Variants in MGAT2 observed in about 807,000 individuals in gnomAD.
MGAT2 encodes alpha-1,6-mannosyl-glycoprotein 2-beta-N-acetylglucosaminyltransferase.
MGAT2 carries 17 observed loss-of-function variants against 33.8 expected under a neutral mutation model. That is an observed-to-expected ratio of 0.50 (90% CI 0.34 to 0.76). The LOEUF is 0.76. MGAT2 is among the 30% of genes least tolerant of loss of function. MGAT2 has a pLI of 0.01. For missense variants in MGAT2, 529 were observed against 553.9 expected (o/e 0.96, Z 0.45); for synonymous variants, 248 against 226.7 (o/e 1.09, Z -0.84).
chr14:49,622,677 G>A lies in MGAT2; in HGVS notation c.*65G>A. 6.6e-7 allele frequency: 1 copy of A among 1,506,348 alleles called. No individual in the cohort carries two copies. 93.3% of individuals were successfully genotyped at this position (1,506,348 alleles called of 1,614,324 possible). ...ATTTGTCCAAACAGGACATACAATTGAATAAAAGAGTTTAGGAACTGGTTT... is the reference window on the plus strand; with the variant it reads ...ATTTGTCCAAACAGGACATACAATTAAATAAAAGAGTTTAGGAACTGGTTT... On this transcript the variant is annotated 3_prime_UTR_variant, in exon 1 of 1. Transcript: ENST00000305386.
chr14:49,622,672 C>A lies in MGAT2; in HGVS notation c.*60C>A, dbSNP rs539136432. 5.2e-6 allele frequency: 8 copies of A among 1,523,896 alleles called. No individual in the cohort carries two copies. The highest frequency in any genetic ancestry group is 2.3e-5 in the East Asian group (1 of 44,114). The allele number at this position is 1,523,896 out of a possible 1,614,324, so 94.4% of individuals were successfully genotyped here. A position where few individuals can be genotyped will look rare whatever the true frequency, so the allele number is the denominator to read the frequency against. ...TTGATATTTGTCCAAACAGGACATACAATTGAATAAAAGAGTTTAGGAACT... is the reference window on the plus strand; with the variant it reads ...TTGATATTTGTCCAAACAGGACATAAAATTGAATAAAAGAGTTTAGGAACT... On this transcript the variant is annotated 3_prime_UTR_variant, in exon 1 of 1. Transcript: ENST00000305386.
Position 49,622,541 on chromosome 14 carries a change from C to A in MGAT2, c.1273C>A (p.Pro425Thr). Residue 425 changes from proline to threonine, a missense_variant, in exon 1 of 1, where the codon CCT becomes ACT. Coordinates refer to ENST00000305386, the MANE Select transcript of MGAT2 (RefSeq NM_002408.4). Reference protein sequence around the residue: ...EKFTVVAISPPRKNGGWGDIR... With the variant: ...EKFTVVAISPTRKNGGWGDIR... ...GTTTACTGTGGTAGCCATTTCCCCA[C>A]CTAGAAAAAATGGAGGGTGGGGAGA... 1 of 1,586,290 alleles carries A rather than the reference C, an allele frequency of 6.3e-7. No individual in the cohort carries two copies. Among genetic ancestry groups the A allele is most frequent in the Non-Finnish European group, 8.6e-7 (1 of 1,169,136 alleles).
Position 49,621,211 on chromosome 14 carries a change from T to A in MGAT2, c.-58T>A. The A allele has an allele frequency of 1.9e-6, 3 of 1,606,460 alleles. No individual in the cohort carries two copies. Among genetic ancestry groups the A allele is most frequent in the Non-Finnish European group, 2.5e-6 (3 of 1,177,298 alleles). Reference sequence around the variant, plus strand: ...GGCCGCCGCCCGCCCGCCCCTTCCGTGCAGAAGCAGCTGCTCCTTTCCGCG... The same window carrying A: ...GGCCGCCGCCCGCCCGCCCCTTCCGAGCAGAAGCAGCTGCTCCTTTCCGCG... On this transcript the variant is annotated 5_prime_UTR_variant, in exon 1 of 1. Transcript: ENST00000305386. This position sits in a 1 kb window ranked among gnomAD's most constrained non-coding sequence, Gnocchi z 4.6.
In MGAT2 at chr14:49,621,125, C is replaced by A; in HGVS notation, c.-144C>A. On this transcript the variant is annotated 5_prime_UTR_variant, in exon 1 of 1. Coordinates refer to ENST00000305386, the MANE Select transcript of MGAT2 (RefSeq NM_002408.4). This position sits in a 1 kb window ranked among gnomAD's most constrained non-coding sequence, Gnocchi z 4.6. ...CTCGGGCCCCAGGACCCCCGGGGCCCGGGATGAGTTAGCGAGGGCAGCCGC... is the reference window on the plus strand; with the variant it reads ...CTCGGGCCCCAGGACCCCCGGGGCCAGGGATGAGTTAGCGAGGGCAGCCGC... 1 of 1,260,838 alleles carries A rather than the reference C, an allele frequency of 7.9e-7. No homozygotes were observed. Among genetic ancestry groups the A allele is most frequent in the Non-Finnish European group, 1.1e-6 (1 of 901,714 alleles). 78.1% of individuals were successfully genotyped at this position (1,260,838 alleles called of 1,614,324 possible). A position where few individuals can be genotyped will look rare whatever the true frequency, so the allele number is the denominator to read the frequency against.
rs771391737 is a variant in MGAT2 at position 49,621,615 on chromosome 14, G to A, written c.347G>A (p.Arg116Gln). The A allele has an allele frequency of 1.2e-6, 2 of 1,614,040 alleles. No homozygotes were observed. The highest frequency in any genetic ancestry group is 2.2e-5 in the South Asian group (2 of 91,072). ...NVDKAGTWAP[R>Q]ELVLVVQVHN... is the part of the protein sequence containing the mutation. ...GATAAGGCTGGCACCTGGGCCCCCC[G>A]GGAGCTGGTGCTGGTGGTCCAGGTG... The change falls in exon 1 of 1, where the codon CGG becomes CAG. Residue 116 changes from arginine (R) to glutamine (Q), a missense_variant. Arg to Gln is a conservative substitution (Grantham distance 43, BLOSUM62 1). Transcript: ENST00000305386. The surrounding 1 kb of genome is among the most constrained non-coding windows in gnomAD (Gnocchi z 4.6).
In MGAT2 at chr14:49,622,015, AG is replaced by A; in HGVS notation, c.748del (p.Asp250IlefsTer9). 1.2e-5 allele frequency: 20 copies of A among 1,613,688 alleles called. No homozygotes were observed. Among genetic ancestry groups the A allele is most frequent in the Non-Finnish European group, 1.6e-5 (19 of 1,179,888 alleles). On this transcript the variant is annotated frameshift_variant, in exon 1 of 1. Transcript: ENST00000305386. LOFTEE classifies it high-confidence loss of function. ...TGTGGGAAAGAGTGAAAATTCTTCG[AG>A]ATTATGCTGGCCTTATACTTTTCCT... The part of the protein sequence containing the change: ...FVWERVKILR[D>X]YAGLILFLEE...
Position 49,620,956 on chromosome 14 carries a change from G to C in MGAT2, c.-313G>C, listed in dbSNP as rs1882825004. The C allele has an allele frequency of 1.4e-6, 1 of 702,224 alleles. No homozygotes were observed. Among genetic ancestry groups the C allele is most frequent in the Non-Finnish European group, 2.6e-6 (1 of 384,816 alleles). The allele number at this position is 702,224 out of a possible 1,614,324, so 43.5% of individuals were successfully genotyped here. ...CTAGGGTGCGGTTGGGACCGCGGCT[G>C]AGCTTTTTCCGGGACCCGTGGTGCT... On this transcript the variant is annotated 5_prime_UTR_variant, in exon 1 of 1. Coordinates refer to ENST00000305386, the MANE Select transcript of MGAT2 (RefSeq NM_002408.4).
chr14:49,621,277 C>G lies in MGAT2; in HGVS notation c.9C>G (p.Phe3Leu), dbSNP rs1191491144. Residue 3 changes from phenylalanine to leucine, a missense_variant, in exon 1 of 1, where the codon TTC becomes TTG. Around this residue, in one of 2 missense-constraint regions of MGAT2, gnomAD observed 501 missense variants for 501.1 expected, o/e 1.00. Transcript: ENST00000305386. This position sits in a 1 kb window ranked among gnomAD's most constrained non-coding sequence, Gnocchi z 4.6. MR[F>L]RIYKRKVLIL... ...TCCCGGCCCTGGAGACCATGAGGTT[C>G]CGCATCTACAAACGGAAGGTGCTAA... The G allele has an allele frequency of 6.2e-7, 1 of 1,612,474 alleles. No individual in the cohort carries two copies. Among genetic ancestry groups the G allele is most frequent in the Non-Finnish European group, 8.5e-7 (1 of 1,179,790 alleles).
chr14:49,622,261 G>A lies in MGAT2; in HGVS notation c.993G>A (p.Leu331=). The A allele has an allele frequency of 1.2e-6, 2 of 1,614,188 alleles. No homozygotes were observed. The highest frequency in any genetic ancestry group is 1.7e-6 in the Non-Finnish European group (2 of 1,180,044). The change falls in exon 1 of 1, where the codon CTG becomes CTA. Residue 331 remains leucine, a synonymous_variant. Transcript: ENST00000305386. ...LALTRNAYQK[L]IECTDTFCTY... is the part of the protein sequence containing the mutation. Reference sequence around the variant, plus strand: ...TGACCCGGAATGCCTATCAGAAGCTGATCGAGTGCACAGACACTTTCTGTA... The same window carrying A: ...TGACCCGGAATGCCTATCAGAAGCTAATCGAGTGCACAGACACTTTCTGTA...
In MGAT2 at chr14:49,621,190, G is replaced by A; in HGVS notation, c.-79G>A. 6.3e-7 allele frequency: 1 copy of A among 1,596,052 alleles called. No homozygotes were observed. Among genetic ancestry groups the A allele is most frequent in the East Asian group, 2.3e-5 (1 of 44,408 alleles). On this transcript the variant is annotated 5_prime_UTR_variant, in exon 1 of 1. Coordinates refer to ENST00000305386, the MANE Select transcript of MGAT2 (RefSeq NM_002408.4). This position sits in a 1 kb window ranked among gnomAD's most constrained non-coding sequence, Gnocchi z 4.6. Reference sequence around the variant, plus strand: ...ACCGTGACAGGCCAAGGCGACGGCCGCCGCCCGCCCGCCCCTTCCGTGCAG... The same window carrying A: ...ACCGTGACAGGCCAAGGCGACGGCCACCGCCCGCCCGCCCCTTCCGTGCAG...
rs201673817 is a variant in MGAT2 at position 49,622,118 on chromosome 14, C to T, written c.850C>T (p.Pro284Ser). The T allele has an allele frequency of 4.6e-5, 74 of 1,614,050 alleles. No individual in the cohort carries two copies. Among genetic ancestry groups the T allele is most frequent in the Non-Finnish European group, 4.3e-5 (51 of 1,180,040 alleles). Reference protein sequence around the residue: ...KMWKLKQQECPECDVLSLGTY... With the variant: ...KMWKLKQQECSECDVLSLGTY... ...GTGGAAACTGAAGCAGCAAGAGTGC[C>T]CTGAATGTGATGTTCTCTCCCTGGG... is the stretch of plus-strand genomic sequence containing the variant. Residue 284 changes from proline (P) to serine (S), a missense_variant, in exon 1 of 1, where the codon CCT (proline) becomes TCT (serine). Transcript: ENST00000305386.
Position 49,622,496 on chromosome 14 carries a change from A to G in MGAT2, c.1228A>G (p.Thr410Ala). 1 of 1,604,190 alleles carries G rather than the reference A, an allele frequency of 6.2e-7. No homozygotes were observed. The highest frequency in any genetic ancestry group is 8.5e-7 in the Non-Finnish European group (1 of 1,175,446). ...TAACAAACAATACATGTTTCCAGAAACTCTAACTATCAGTGAAAAGTTTAC... is the reference window on the plus strand; with the variant it reads ...TAACAAACAATACATGTTTCCAGAAGCTCTAACTATCAGTGAAAAGTTTAC... The part of the protein sequence containing the change: ...NNNKQYMFPE[T>A]LTISEKFTVV... The change falls in exon 1 of 1, where the codon ACT becomes GCT. Residue 410 changes from threonine to alanine, a missense_variant. This residue lies in a region of MGAT2 where 28 missense variants were observed against 52.8 expected (regional missense o/e 0.53). Coordinates refer to ENST00000305386, the MANE Select transcript of MGAT2 (RefSeq NM_002408.4).
In MGAT2 at chr14:49,621,793, G is replaced by A. The variant is rs1216501852; in HGVS notation, c.525G>A (p.Val175=). ...TGAATTTCTGTCCGGTTCTGCAGGTGTTCTTTCCTTTCAGCATTCAGTTGT... is the reference window on the plus strand; with the variant it reads ...TGAATTTCTGTCCGGTTCTGCAGGTATTCTTTCCTTTCAGCATTCAGTTGT... ...AGVNFCPVLQ[V]FFPFSIQLYP... Residue 175 remains valine (V), a synonymous_variant, in exon 1 of 1, where the codon GTG becomes GTA. Transcript: ENST00000305386. This position sits in a 1 kb window ranked among gnomAD's most constrained non-coding sequence, Gnocchi z 4.6. 1.9e-6 allele frequency: 3 copies of A among 1,614,166 alleles called. No individual in the cohort carries two copies. In the Admixed American group the frequency reaches 5.0e-5, roughly 27 times the overall value.
rs1353487026 is a variant in MGAT2 at position 49,621,006 on chromosome 14, C to T, written c.-263C>T. The T allele has an allele frequency of 1.4e-6, 1 of 704,232 alleles. No individual in the cohort carries two copies. Among genetic ancestry groups the T allele is most frequent in the East Asian group, 2.7e-5 (1 of 37,260 alleles). 43.6% of individuals were successfully genotyped at this position (704,232 alleles called of 1,614,324 possible). Reference sequence around the variant, plus strand: ...TGAATGGAGAGGACGGAGACGAAGCCGAGCCGCGGCTCCTAGCGGCGGCGC... The same window carrying T: ...TGAATGGAGAGGACGGAGACGAAGCTGAGCCGCGGCTCCTAGCGGCGGCGC... On this transcript the variant is annotated 5_prime_UTR_variant, in exon 1 of 1. Coordinates refer to ENST00000305386, the MANE Select transcript of MGAT2 (RefSeq NM_002408.4). This position sits in a 1 kb window ranked among gnomAD's most constrained non-coding sequence, Gnocchi z 4.6.
At position 49,623,331 on chromosome 14, in the gene MGAT2, T is replaced by C. The variant is rs558537786; in HGVS notation, c.*719T>C. Reference sequence around the variant, plus strand: ...ACTCATTTTTGCATAAAAAGGTTCCTAATCCTTTTGCAGAATAAGTTTTGT... The same window carrying C: ...ACTCATTTTTGCATAAAAAGGTTCCCAATCCTTTTGCAGAATAAGTTTTGT... On this transcript the variant is annotated 3_prime_UTR_variant, in exon 1 of 1. Coordinates refer to ENST00000305386, the MANE Select transcript of MGAT2 (RefSeq NM_002408.4). 1.3e-4 allele frequency: 22 copies of C among 167,062 alleles called. No homozygotes were observed. Among genetic ancestry groups the C allele is most frequent in the Admixed American group, 8.5e-4 (13 of 15,304 alleles). 10.3% of individuals were successfully genotyped at this position (167,062 alleles called of 1,614,324 possible).
At position 49,621,672 on chromosome 14, in the gene MGAT2, T is replaced by C. The variant is rs1566504554; in HGVS notation, c.404T>C (p.Leu135Pro). The change falls in exon 1 of 1, where the codon CTG becomes CCG. Residue 135 changes from leucine to proline, a missense_variant. By Grantham distance (98) the Leu-to-Pro change is moderately conservative (BLOSUM62 -3). Around this residue, in one of 2 missense-constraint regions of MGAT2, gnomAD observed 501 missense variants for 501.1 expected, o/e 1.00. Coordinates refer to ENST00000305386, the MANE Select transcript of MGAT2 (RefSeq NM_002408.4). This position sits in a 1 kb window ranked among gnomAD's most constrained non-coding sequence, Gnocchi z 4.6. ...CGGCCCGAATACCTCAGACTGCTGC[T>C]GGACTCACTTCGAAAAGCCCAGGGA... Reference protein sequence around the residue: ...HNRPEYLRLLLDSLRKAQGID... With the variant: ...HNRPEYLRLLPDSLRKAQGID... 1.9e-6 allele frequency: 3 copies of C among 1,614,196 alleles called. No homozygotes were observed. Among genetic ancestry groups the C allele is most frequent in the Non-Finnish European group, 2.5e-6 (3 of 1,179,998 alleles).
In MGAT2 at chr14:49,622,617, C is replaced by A. The variant is rs1882887816; in HGVS notation, c.*5C>A. The A allele has an allele frequency of 6.3e-7, 1 of 1,596,076 alleles. No homozygotes were observed. Among genetic ancestry groups the A allele is most frequent in the South Asian group, 1.1e-5 (1 of 88,004 alleles). ...AGTTATAGAAGACTGCAGTGAAAATCACAGTTACAAAAGCGACAGTCTTCT... is the reference window on the plus strand; with the variant it reads ...AGTTATAGAAGACTGCAGTGAAAATAACAGTTACAAAAGCGACAGTCTTCT... On this transcript the variant is annotated 3_prime_UTR_variant, in exon 1 of 1. Coordinates refer to ENST00000305386, the MANE Select transcript of MGAT2 (RefSeq NM_002408.4).
Position 49,622,486 on chromosome 14 carries a change from GTTT to G in MGAT2, c.1219_1221del (p.Phe407del). Reference sequence around the variant, plus strand: ...TCTTAAATAATAACAAACAATACATGTTTCCAGAAACTCTAACTATCAGTGAAA... The same window carrying G: ...TCTTAAATAATAACAAACAATACATGCCAGAAACTCTAACTATCAGTGAAA... On this transcript the variant is annotated inframe_deletion, in exon 1 of 1. Transcript: ENST00000305386. 6.2e-7 allele frequency: 1 copy of G among 1,607,808 alleles called. No individual in the cohort carries two copies. The highest frequency in any genetic ancestry group is 8.5e-7 in the Non-Finnish European group (1 of 1,177,048).
rs78391102 is a variant in MGAT2, at chr14:49,622,239, C to G, written c.971C>G (p.Thr324Ser). 1.2e-6 allele frequency: 2 copies of G among 1,614,164 alleles called. No homozygotes were observed. Among genetic ancestry groups the G allele is most frequent in the Non-Finnish European group, 1.7e-6 (2 of 1,180,044 alleles). ...GAGCACAATATGGGTCTAGCCTTGA[C>G]CCGGAATGCCTATCAGAAGCTGATC... ...STEHNMGLAL[T>S]RNAYQKLIEC... The change falls in exon 1 of 1, where the codon ACC (threonine) becomes AGC (serine). Residue 324 changes from threonine (T) to serine (S), a missense_variant. Physicochemically the swap from Thr to Ser is moderately conservative, Grantham distance 58. Transcript: ENST00000305386.
Sources: gnomAD v4.1 joint callset for allele counts on GRCh38, gnomAD v4.1.1 for gene constraint, gnomAD v4.1.1 regional missense constraint, Gnocchi (gnomAD v3.1) non-coding constraint, MANE v1.5 for transcripts, NCBI Gene and HGNC (gene_info 2026-07-23, HGNC 2026-07-21) for gene names.